Variants in UTRN observed in about 807,000 individuals in gnomAD.
UTRN encodes utrophin, also known as dystrophin-related protein 1.
In UTRN, 283 loss-of-function variants were observed where a neutral mutation model predicts 463.9. The ratio of observed to expected loss-of-function variants is 0.61; its 90% CI spans 0.55 to 0.67. UTRN has a LOEUF of 0.67. Among genes scored for constraint, UTRN ranks in the 30% least tolerant of loss-of-function variants. The pLI is 0.00. For missense variants in UTRN, 3,922 were observed against 4,084.3 expected (o/e 0.96, Z 1.08); for synonymous variants, 1,442 against 1,431.5 (o/e 1.01, Z -0.17).
chr6:144,627,317 T>C (rs1264664057), intron 51 of UTRN, among the ~76,000 whole-genome samples: 2 of 152,206 alleles, frequency 1.3e-5, no homozygotes, highest in Non-Finnish European at 2.9e-5. Context: ...GTTACATTCA[T>C]TTATCGGTTT....
intron 25 of UTRN, among the ~76,000 whole-genome samples, chr6:144,478,995 A>G (rs1369596513): frequency 6.6e-6 from 1 of 152,208 alleles, no homozygotes; most frequent in Non-Finnish European, 1.5e-5. Flanking sequence ...AAAATTTTAT[A>G]GAGCGGTGTC....
chr6:144,832,913 G>A (rs1270600170), intron 69 of UTRN, among the ~76,000 whole-genome samples: 1 of 152,050 alleles, frequency 6.6e-6, no homozygotes, highest in East Asian at 1.9e-4. Context: ...TTGGCTTCCC[G>A]GGTTCAAGTG....
intron 64 of UTRN, chr6:144,799,500 G>A: frequency 2.1e-6 from 1 of 471,620 alleles, no homozygotes; most frequent in Non-Finnish European, 4.4e-6. Flanking sequence ...AATGCAGCAG[G>A]GTTCTTGGAA....
intron 51 of UTRN, among the ~76,000 whole-genome samples, chr6:144,607,584 G>T (rs1177970100): frequency 6.6e-6 from 1 of 152,170 alleles, no homozygotes; most frequent in African/African-American, 2.4e-5. Context: ...AAGGCTATTT[G>T]TCTGATTTTT....
rs552306748 is a variant in UTRN, at chr6:144,514,271, A to G, written c.5073+234A>G. On this transcript the variant is annotated intron_variant, in intron 36 of 74. Transcript: ENST00000367545. ...ATCAACCGGAGTAAGACCTATTCAC[A>G]TAAGATGCCAATGAGTCTTGCTGAT... Among the ~76,000 whole-genome samples, 44 of 152,364 alleles carry G rather than the reference A, an allele frequency of 2.9e-4. No individual in the cohort carries two copies. In the South Asian group the frequency reaches 8.5e-3, roughly 29 times the overall value.
At chr6:144,431,771 C>G (rs900420650) in intron 9 of UTRN, among the ~76,000 whole-genome samples, 1 of 152,072 alleles carries the variant, frequency 6.6e-6, no homozygotes, top group Admixed American at 6.5e-5. Flanking sequence ...TATTTTAGCT[C>G]TACAGTTTTA....
chr6:144,724,767 A>G (rs554754874), intron 53 of UTRN, among the ~76,000 whole-genome samples: 3 of 152,160 alleles, frequency 2.0e-5, no homozygotes, highest in African/African-American at 7.2e-5. Context: ...TCAGTATTTC[A>G]TTCATTTTTA....
chr6:144,428,844 C>T lies in UTRN; in HGVS notation c.645C>T (p.Phe215=), dbSNP rs1011641082. 1 of 1,612,042 alleles carries T rather than the reference C, an allele frequency of 6.2e-7. No individual in the cohort carries two copies. Among genetic ancestry groups the T allele is most frequent in the Non-Finnish European group, 8.5e-7 (1 of 1,179,444 alleles). Residue 215 remains phenylalanine, a synonymous_variant, in exon 8 of 75, where the codon TTC becomes TTT. Transcript: ENST00000367545. ...CAATTGAGAGACTTGAACATGCCTT[C>T]AGCAAGGCTCAAACTTATTTGGGAA... ...MSPIERLEHA[F]SKAQTYLGIE...
At chr6:144,811,247 G>A (rs576932237) in intron 65 of UTRN, among the ~76,000 whole-genome samples, 2 of 152,128 alleles carry the variant, frequency 1.3e-5, no homozygotes, top group Non-Finnish European at 2.9e-5. Context: ...AATGTACTTC[G>A]TAAGACTATA....
In UTRN at chr6:144,510,977, G is replaced by T. The variant is rs367850908; in HGVS notation, c.4798G>T (p.Asp1600Tyr). ...GAAGGATCTGGAAAAGAGAAAAGCT[G>T]ATTTAAATACCATCACAGAGAGTAG... ...VLKDLEKRKA[D>Y]LNTITESSAA... The change falls in exon 35 of 75, where the codon GAT (aspartate) becomes TAT (tyrosine). Residue 1600 changes from aspartate to tyrosine, a missense_variant. This residue lies in a region of UTRN where 2,349 missense variants were observed against 2,303.8 expected (regional missense o/e 1.02). Coordinates refer to ENST00000367545, the MANE Select transcript of UTRN (RefSeq NM_007124.3). 1 of 1,606,628 alleles carries T rather than the reference G, an allele frequency of 6.2e-7. No homozygotes were observed. Among genetic ancestry groups the T allele is most frequent in the Non-Finnish European group, 8.5e-7 (1 of 1,175,600 alleles).
At chr6:144,424,820 G>A (rs886142724) in intron 6 of UTRN, among the ~76,000 whole-genome samples, 6 of 151,878 alleles carry the variant, frequency 4.0e-5, no homozygotes, top group East Asian at 1.9e-4. Context: ...ATTTTCTAAC[G>A]CCATGGCATT....
chr6:144,851,930 T>G lies in UTRN; in HGVS notation c.*933T>G, dbSNP rs1215708876. 3 of 152,186 alleles carry G rather than the reference T, an allele frequency of 2.0e-5. No homozygotes were observed. Among genetic ancestry groups the G allele is most frequent in the Non-Finnish European group, 4.4e-5 (3 of 68,018 alleles). The allele number at this position is 152,186 out of a possible 1,614,324, so 9.4% of individuals were successfully genotyped here. A position where few individuals can be genotyped will look rare whatever the true frequency, so the allele number is the denominator to read the frequency against. Reference sequence around the variant, plus strand: ...AGTACAACCTTTCCTAGTTCCCATGTCTTGATTTTCATCATTACATGCACA... The same window carrying G: ...AGTACAACCTTTCCTAGTTCCCATGGCTTGATTTTCATCATTACATGCACA... On this transcript the variant is annotated 3_prime_UTR_variant, in exon 75 of 75. Transcript: ENST00000367545.
At position 144,488,705 on chromosome 6, in the gene UTRN, A is replaced by G. The variant is rs1313906027; in HGVS notation, c.4005A>G (p.Gln1335=). 12 of 1,612,888 alleles carry G rather than the reference A, an allele frequency of 7.4e-6. No individual in the cohort carries two copies. The highest frequency in any genetic ancestry group is 7.6e-6 in the Non-Finnish European group (9 of 1,179,368). ...AESKQISLEK[Q]LQVLRETDQM... is the part of the protein sequence containing the mutation. ...GCAAGCAGATTTCTTTGGAAAAGCA[A>G]CTCCAGGTGCTGCGGGAAACTGACC... The change falls in exon 30 of 75, where the codon CAA becomes CAG. Residue 1335 remains glutamine (Q), a synonymous_variant. Coordinates refer to ENST00000367545, the MANE Select transcript of UTRN (RefSeq NM_007124.3).
chr6:144,460,973 G>A (rs888163316), intron 21 of UTRN, among the ~76,000 whole-genome samples: 1 of 152,144 alleles, frequency 6.6e-6, no homozygotes, highest in African/African-American at 2.4e-5. Context: ...ATTATAGTGG[G>A]TTAGTTAATA....
At chr6:144,366,369 T>C (rs1779507446) in intron 2 of UTRN, among the ~76,000 whole-genome samples, 1 of 152,182 alleles carries the variant, frequency 6.6e-6, no homozygotes, top group Admixed American at 6.6e-5. Flanking sequence ...CTAATAGCCA[T>C]TGGTTATTTT....
rs1459131374 is a variant in UTRN at position 144,522,095 on chromosome 6, T to A, written c.5657T>A (p.Val1886Asp). The A allele has an allele frequency of 1.3e-6, 2 of 1,586,508 alleles. No homozygotes were observed. The highest frequency in any genetic ancestry group is 3.6e-5 in the Admixed American group (2 of 55,560). ...INKILLCMDD[V>D]ELSLNVPELN... ...AAAATTTTACTTTGCATGGATGATGTTGAATTATCGCTTAATGTTCCAGAG... is the reference window on the plus strand; with the variant it reads ...AAAATTTTACTTTGCATGGATGATGATGAATTATCGCTTAATGTTCCAGAG... Residue 1886 changes from valine to aspartate, a missense_variant, in exon 40 of 75, where the codon GTT (valine) becomes GAT (aspartate). Physicochemically the swap from Val to Asp is radical, Grantham distance 152. Transcript: ENST00000367545.
chr6:144,360,032 T>TTTCCCTTCCCTTCCCTTCCCTTCCCC (rs1778908553), intron 2 of UTRN, among the ~76,000 whole-genome samples: 5 of 78,734 alleles, frequency 6.4e-5, no homozygotes, highest in African/African-American at 2.0e-4. Flanking sequence ...TCTTTTCTTT[T>TTTCCCTTCCCTTCCCTTCCCTTCCCC]TTCCCTTCCC....
At chr6:144,711,449 A>G (rs552028237) in intron 53 of UTRN, among the ~76,000 whole-genome samples, 1 of 152,356 alleles carries the variant, frequency 6.6e-6, no homozygotes, top group East Asian at 1.9e-4. Context: ...GAAGAAGCTG[A>G]GGTCACTTAT....
intron 33 of UTRN, among the ~76,000 whole-genome samples, chr6:144,493,736 G>C (rs138142614): frequency 3.3e-5 from 5 of 152,292 alleles, no homozygotes; most frequent in African/African-American, 1.2e-4. Flanking sequence ...TTGGGAGGCT[G>C]AGTCAGGTAA....
Sources: gnomAD v4.1 joint callset for allele counts (sites outside exome capture counted in the v4.1 genomes callset) on GRCh38, gnomAD v4.1.1 for gene constraint, gnomAD v4.1.1 regional missense constraint, MANE v1.5 for transcripts, NCBI Gene and HGNC (gene_info 2026-07-23, HGNC 2026-07-21) for gene names.